The following COL11A2 variants were observed in gnomAD, a reference collection of about 807,000 sequenced individuals.
COL11A2 encodes collagen alpha-2(XI) chain.
In COL11A2, 116 loss-of-function variants were observed where a neutral mutation model predicts 273.4. The observed-to-expected ratio is 0.42, with a 90% CI of 0.36 to 0.49. The LOEUF is 0.49. Among genes scored for constraint, COL11A2 ranks in the 20% least tolerant of loss-of-function variants. COL11A2 has a pLI of 0.00. For synonymous variants in COL11A2, 782 were observed against 864.2 expected, an observed-to-expected ratio of 0.90 and a Z score of 1.67; for missense variants, 1,866 against 2,309.0, an observed-to-expected ratio of 0.81 and a Z score of 3.93.
At position 33,165,501 on chromosome 6, in the gene COL11A2, A is replaced by G; in HGVS notation, c.4750+48T>C. ...CCAGCATCCATTCTGCTTGTTCAGTACCCATGCTGTTGGGGAGATGTTTGT... is the reference window on the plus strand; with the variant it reads ...CCAGCATCCATTCTGCTTGTTCAGTGCCCATGCTGTTGGGGAGATGTTTGT... On this transcript the variant is annotated intron_variant, in intron 63 of 65. Transcript: ENST00000341947. This position sits in a 1 kb window ranked among gnomAD's most constrained non-coding sequence, Gnocchi z 7.7. 6.2e-7 allele frequency: 1 copy of G among 1,605,178 alleles called. No homozygotes were observed.
At chr6:33,183,715 G>A (rs957636442) in intron 8 of COL11A2, among the ~76,000 whole-genome samples, 6 of 152,196 alleles carry the variant, frequency 3.9e-5, no homozygotes, top group African/African-American at 1.2e-4. Flanking sequence ...GTTAAAAAAA[G>A]GTGACATAGG....
At chr6:33,184,032 G>C in intron 8 of COL11A2, 113 bp downstream of exon 8, 1 of 929,680 alleles carries the variant, frequency 1.1e-6, no homozygotes. Context: ...AAAATGACAA[G>C]TCACAGATGG....
At position 33,172,442 on chromosome 6, in the gene COL11A2, GC is replaced by G. The variant is rs553521455; in HGVS notation, c.2899-65del. 1.1e-4 allele frequency: 172 copies of G among 1,551,452 alleles called. No homozygotes were observed. In the African/African-American group the frequency reaches 1.5e-3, roughly 14 times the overall value. ...CCCAAATTAAACAGAGAGCTCTCCA[GC>G]CCCCCCTCAAATCTCCAACTACCTG... On this transcript the variant is annotated intron_variant, in intron 39 of 65. Coordinates refer to ENST00000341947, the MANE Select transcript of COL11A2 (RefSeq NM_080680.3).
chr6:33,184,367 G>C (rs1241815308), intron 7 of COL11A2, 43 bp from the exon 8 acceptor site: 2 of 1,315,646 alleles, frequency 1.5e-6, no homozygotes, highest in African/African-American at 3.0e-5. Context: ...GGGGATGTTA[G>C]GGCTGAGAGG....
Position 33,164,742 on chromosome 6 carries a change from G to A in COL11A2, c.4863+110C>T. 1.1e-6 allele frequency: 1 copy of A among 930,134 alleles called. No homozygotes were observed. The highest frequency in any genetic ancestry group is 1.7e-6 in the Non-Finnish European group (1 of 596,658). The allele number at this position is 930,134 out of a possible 1,614,324, so 57.6% of individuals were successfully genotyped here. A position where few individuals can be genotyped will look rare whatever the true frequency, so the allele number is the denominator to read the frequency against. Reference sequence around the variant, plus strand: ...CTAAGAAGTGGAGAAGGGGTGGCAGGCTCCGGGGGGGGCAACAGCCAGGGG... The same window carrying A: ...CTAAGAAGTGGAGAAGGGGTGGCAGACTCCGGGGGGGGCAACAGCCAGGGG... On this transcript the variant is annotated intron_variant, in intron 64 of 65. Transcript: ENST00000341947. The surrounding 1 kb of genome is among the most constrained non-coding windows in gnomAD (Gnocchi z 4.7).
In COL11A2 at chr6:33,186,850, G is replaced by A. The variant is rs375813205; in HGVS notation, c.607-32C>T. On this transcript the variant is annotated intron_variant, in intron 4 of 65. Coordinates refer to ENST00000341947, the MANE Select transcript of COL11A2 (RefSeq NM_080680.3). Reference sequence around the variant, plus strand: ...AGACATGAGAGAGATGGAGCGGAGAGATTCAGAGAGAGGCAGAGGGTATCA... The same window carrying A: ...AGACATGAGAGAGATGGAGCGGAGAAATTCAGAGAGAGGCAGAGGGTATCA... The A allele has an allele frequency of 1.9e-6, 3 of 1,612,792 alleles. No homozygotes were observed. The African/African-American group carries it at 4.0e-5, about 22-fold the overall frequency.
chr6:33,177,045 C>A lies in COL11A2; in HGVS notation c.2017G>T (p.Gly673Cys), dbSNP rs1473656940. 6.2e-7 allele frequency: 1 copy of A among 1,612,228 alleles called. No individual in the cohort carries two copies. The highest frequency in any genetic ancestry group is 8.5e-7 in the Non-Finnish European group (1 of 1,179,758). ...QGAIGPHGEK[G>C]PQGKPGLPGM... ...GGGAGCCCTGGCTTCCCTTGAGGAC[C>A]CTGCAGGAAGACAAAGAGGCTCAGG... The change falls in exon 25 of 66, where the codon GGT becomes TGT. Residue 673 changes from glycine (G) to cysteine (C), a missense_variant and splice_region_variant. By Grantham distance (159) the Gly-to-Cys change is radical. Transcript: ENST00000341947. This position sits in a 1 kb window ranked among gnomAD's most constrained non-coding sequence, Gnocchi z 5.9.
chr6:33,172,535 T>C lies in COL11A2; in HGVS notation c.2893A>G (p.Thr965Ala). 1 of 1,611,924 alleles carries C rather than the reference T, an allele frequency of 6.2e-7. No homozygotes were observed. The highest frequency in any genetic ancestry group is 1.1e-5 in the South Asian group (1 of 91,016). ...GLPGTAGKEGTKGDPGPPGAP... is the reference protein window; with the variant it reads ...GLPGTAGKEGAKGDPGPPGAP... ...CTGCCTGGCCCCTCACTGACCTTTG[T>C]TCCTTCTTTTCCAGCTGTCCCAGGT... Residue 965 changes from threonine (T) to alanine (A), a missense_variant, in exon 39 of 66, where the codon ACA becomes GCA. Physicochemically the swap from Thr to Ala is moderately conservative, Grantham distance 58. Coordinates refer to ENST00000341947, the MANE Select transcript of COL11A2 (RefSeq NM_080680.3).
chr6:33,167,684 C>T lies in COL11A2; in HGVS notation c.4014+115G>A. 1 of 1,480,348 alleles carries T rather than the reference C, an allele frequency of 6.8e-7. No homozygotes were observed. Among genetic ancestry groups the T allele is most frequent in the Non-Finnish European group, 9.3e-7 (1 of 1,071,502 alleles). The allele number at this position is 1,480,348 out of a possible 1,614,324, so 91.7% of individuals were successfully genotyped here. A position where few individuals can be genotyped will look rare whatever the true frequency, so the allele number is the denominator to read the frequency against. On this transcript the variant is annotated intron_variant, in intron 55 of 65. Transcript: ENST00000341947. This position sits in a 1 kb window ranked among gnomAD's most constrained non-coding sequence, Gnocchi z 6.1. Reference sequence around the variant, plus strand: ...GGAACAAGTACAGGGAACGCCTGTCCCCATAAGGGCCCAACATGGGAGAGG... The same window carrying T: ...GGAACAAGTACAGGGAACGCCTGTCTCCATAAGGGCCCAACATGGGAGAGG...
intron 4 of COL11A2, 124 bp downstream of exon 4, chr6:33,188,238 G>T: frequency 8.3e-7 from 1 of 1,202,160 alleles, no homozygotes; most frequent in South Asian, 1.2e-5. Flanking sequence ...AAATAGAAAT[G>T]AAAATTCATA....
chr6:33,165,662 G>A lies in COL11A2; in HGVS notation c.4637C>T (p.Ser1546Leu). Residue 1546 changes from serine (S) to leucine (L), a missense_variant, in exon 63 of 66, where the codon TCA becomes TTA. Transcript: ENST00000341947. The surrounding 1 kb of genome is among the most constrained non-coding windows in gnomAD (Gnocchi z 7.7). ...GATCTCCTCCCGCAGGGAGTCGAGTGAGCCAAAGATCTCCTCCAGCCCCCC... is the reference window on the plus strand; with the variant it reads ...GATCTCCTCCCGCAGGGAGTCGAGTAAGCCAAAGATCTCCTCCAGCCCCCC... ...SPGGLEEIFGSLDSLREEIEQ... is the reference protein window; with the variant it reads ...SPGGLEEIFGLLDSLREEIEQ... The A allele has an allele frequency of 1.2e-6, 2 of 1,612,250 alleles. No individual in the cohort carries two copies. Among genetic ancestry groups the A allele is most frequent in the South Asian group, 2.2e-5 (2 of 91,076 alleles).
chr6:33,174,278 G>C (rs1770588363), intron 31 of COL11A2, 60 bp from the exon 32 acceptor site: 1 of 1,546,276 alleles, frequency 6.5e-7, no homozygotes, highest in Non-Finnish European at 8.7e-7. Context: ...TTCAGGAAGG[G>C]GCAAAGGGGG....
At chr6:33,186,540 T>G in intron 5 of COL11A2, 87 bp downstream of exon 5, 1 of 1,608,216 alleles carries the variant, frequency 6.2e-7, no homozygotes, top group African/African-American at 1.3e-5. Context: ...GAGATGAGGG[T>G]GGGGAGGACA....
rs1314413943 is a variant in COL11A2, at chr6:33,174,165, C to T, written c.2484G>A (p.Arg828=). The change falls in exon 32 of 66, where the codon CGG becomes CGA. Residue 828 remains arginine, a splice_region_variant and synonymous_variant. Transcript: ENST00000341947. ...FPGASGEKGA[R]GLSGKSGPRG... ...CACGCCCTCCCACCCCCCAGCTTAC[C>T]CGGGCTCCCTTCTCTCCACTGGCAC... 6.3e-7 allele frequency: 1 copy of T among 1,588,112 alleles called. No homozygotes were observed. Among genetic ancestry groups the T allele is most frequent in the Non-Finnish European group, 8.6e-7 (1 of 1,167,146 alleles).
chr6:33,186,887 G>C, intron 4 of COL11A2, 69 bp from the exon 5 acceptor site: 4 of 1,603,332 alleles, frequency 2.5e-6, no homozygotes, highest in Non-Finnish European at 2.5e-6. Flanking sequence ...CCGGGAGAAA[G>C]AGTATAGGAG....
At position 33,173,248 on chromosome 6, in the gene COL11A2, A is replaced by C. The variant is rs1451647500; in HGVS notation, c.2736+100T>G. The C allele has an allele frequency of 1.3e-6, 2 of 1,551,674 alleles. No homozygotes were observed. The highest frequency in any genetic ancestry group is 3.6e-5 in the Admixed American group (2 of 54,998). On this transcript the variant is annotated intron_variant, in intron 37 of 65. Transcript: ENST00000341947. The surrounding 1 kb of genome is among the most constrained non-coding windows in gnomAD (Gnocchi z 6.3). ...TCTGAGCAGCACCAGGGCAGGCTCCACTCTGCCAGGAGAACGTCCCTGTGG... is the reference window on the plus strand; with the variant it reads ...TCTGAGCAGCACCAGGGCAGGCTCCCCTCTGCCAGGAGAACGTCCCTGTGG...
rs1471077792 is a variant in COL11A2, at chr6:33,167,914, C to G, written c.3961-62G>C. ...GTGGGCAGCCAGGCTCAACTCTTCC[C>G]CCTTCCTGTCCTAGACACACACATA... On this transcript the variant is annotated intron_variant, in intron 54 of 65. Transcript: ENST00000341947. This position sits in a 1 kb window ranked among gnomAD's most constrained non-coding sequence, Gnocchi z 6.1. The G allele has an allele frequency of 6.3e-7, 1 of 1,576,354 alleles. No individual in the cohort carries two copies. The highest frequency in any genetic ancestry group is 1.3e-5 in the African/African-American group (1 of 74,260).
At position 33,173,635 on chromosome 6, in the gene COL11A2, G is replaced by C; in HGVS notation, c.2628+66C>G. 5 of 1,462,784 alleles carry C rather than the reference G, an allele frequency of 3.4e-6. No homozygotes were observed. Among genetic ancestry groups the C allele is most frequent in the Non-Finnish European group, 4.8e-6 (5 of 1,051,968 alleles). 90.6% of individuals were successfully genotyped at this position (1,462,784 alleles called of 1,614,324 possible). A position where few individuals can be genotyped will look rare whatever the true frequency, so the allele number is the denominator to read the frequency against. On this transcript the variant is annotated intron_variant, in intron 35 of 65. Transcript: ENST00000341947. This position sits in a 1 kb window ranked among gnomAD's most constrained non-coding sequence, Gnocchi z 6.3. The stretch of plus-strand genomic sequence containing the variant: ...AACTCAGCTTCCTTCCTGGGGTGAG[G>C]AGGGAGCTGGCTCACCCAGGCTCCC...
intron 8 of COL11A2, 85 bp from the exon 9 acceptor site, chr6:33,181,255 A>G (rs1366696432): frequency 1.4e-6 from 2 of 1,396,192 alleles, no homozygotes; most frequent in African/African-American, 2.8e-5. Flanking sequence ...TCCAACCTTG[A>G]TTCTTAGATC....
Sources: allele counts gnomAD v4.1 joint callset (sites outside exome capture counted in the v4.1 genomes callset), GRCh38; gene constraint gnomAD v4.1.1; non-coding constraint Gnocchi (gnomAD v3.1); transcripts MANE v1.5; gene names NCBI Gene and HGNC (gene_info 2026-07-23, HGNC 2026-07-21).